Variants in SPATA16 observed in about 807,000 individuals in gnomAD.
SPATA16 encodes the protein spermatogenesis associated 16, also known as spermatogenesis-associated protein 16.
Under a neutral mutation model 63.3 loss-of-function variants are expected in SPATA16, and 36 were observed. The ratio of observed to expected loss-of-function variants is 0.57; its 90% CI spans 0.44 to 0.75. SPATA16 has a LOEUF of 0.75. SPATA16 is among the 30% of genes least tolerant of loss of function. The pLI, the probability that SPATA16 is intolerant of heterozygous loss-of-function variation, is 0.00. For missense variants in SPATA16, 646 were observed against 679.3 expected, an observed-to-expected ratio of 0.95 and a Z score of 0.54; for synonymous variants, 203 against 216.7, an observed-to-expected ratio of 0.94 and a Z score of 0.56.
At position 173,072,585 on chromosome 3, in the gene SPATA16, C is replaced by T. The variant is rs573383938; in HGVS notation, c.613-23491G>A. 2.0e-5 allele frequency among the ~76,000 whole-genome samples: 3 copies of T among 152,338 alleles called. No individual in the cohort carries two copies. The South Asian group carries it at 6.2e-4, about 32-fold the overall frequency. On this transcript the variant is annotated intron_variant, in intron 2 of 10. Transcript: ENST00000351008. ...GGGAATGCCTTTCACTTGGTTCTCT[C>T]ATTCTCTCTTGTCTGCCACCATATA... is the stretch of plus-strand genomic sequence containing the variant.
At chr3:173,027,992 TC>T in intron 3 of SPATA16, among the ~76,000 whole-genome samples, 1 of 16,922 alleles carries the variant, frequency 5.9e-5, no homozygotes, top group African/African-American at 2.4e-4. Context: ...CCTCCCTCCC[TC>T]CCTCCCTCCC....
intron 4 of SPATA16, among the ~76,000 whole-genome samples, chr3:173,018,338 G>A (rs1473217515): frequency 1.3e-5 from 2 of 150,062 alleles, no homozygotes; most frequent in East Asian, 2.0e-4. Flanking sequence ...GCAATGGCGC[G>A]ATCTCGGCTC....
rs532253002 is a variant in SPATA16 at position 172,956,544 on chromosome 3, CCGTTT to C, written c.1081+128_1081+132del. ...TATTTAAAACCTTAAAAATTTCTTT[CCGTTT>C]CAAGTCATCAGATGAAAACAGTGTA... is the stretch of plus-strand genomic sequence containing the variant. On this transcript the variant is annotated intron_variant, in intron 6 of 10. Transcript: ENST00000351008. 3.0e-4 allele frequency: 275 copies of C among 927,558 alleles called. 1 individual carries two copies. The African/African-American group carries it at 4.3e-3, about 14-fold the overall frequency. 57.5% of individuals were successfully genotyped at this position (927,558 alleles called of 1,614,324 possible). A position where few individuals can be genotyped will look rare whatever the true frequency, so the allele number is the denominator to read the frequency against.
chr3:173,127,621 G>A (rs116757476), intron 1 of SPATA16, among the ~76,000 whole-genome samples: 1 of 152,200 alleles, frequency 6.6e-6, no homozygotes, highest in Non-Finnish European at 1.5e-5. Context: ...ACTTCTTCAT[G>A]ATTAGATTCA....
At chr3:172,918,566 A>G (rs537695981) in intron 8 of SPATA16, among the ~76,000 whole-genome samples, 79 of 152,266 alleles carry the variant, frequency 5.2e-4, no homozygotes, top group African/African-American at 1.6e-3. Flanking sequence ...TTTTTGAAAG[A>G]CAAAGTGAAA....
intron 5 of SPATA16, among the ~76,000 whole-genome samples, chr3:172,960,536 A>T (rs369552566): frequency 1.9e-4 from 29 of 152,286 alleles, no homozygotes; most frequent in African/African-American, 6.0e-4. Flanking sequence ...TTTCTCTACA[A>T]ACAGTAACTT....
At chr3:172,908,979 T>C (rs1732301682) in intron 10 of SPATA16, among the ~76,000 whole-genome samples, 1 of 152,188 alleles carries the variant, frequency 6.6e-6, no homozygotes, top group Admixed American at 6.5e-5. Flanking sequence ...TTAAAAGCCC[T>C]TGGGAAAAAT....
At chr3:173,029,406 G>GTTTTTTTTTTTTTTTTTT (rs57233262) in intron 3 of SPATA16, among the ~76,000 whole-genome samples, 4 of 139,846 alleles carry the variant, frequency 2.9e-5, no homozygotes, top group African/African-American at 8.3e-5. Flanking sequence ...AGTAATCAGA[G>GTTTTTTTTTTTTTTTTTT]TTTTTTTTTT....
At chr3:173,132,615 A>C (rs1244095586) in intron 1 of SPATA16, among the ~76,000 whole-genome samples, 1 of 152,184 alleles carries the variant, frequency 6.6e-6, no homozygotes, top group Non-Finnish European at 1.5e-5. Flanking sequence ...TAATGTTACA[A>C]AATTATTAGG....
chr3:172,977,429 G>A (rs961033013), intron 4 of SPATA16, among the ~76,000 whole-genome samples: 3 of 152,080 alleles, frequency 2.0e-5, no homozygotes, highest in South Asian at 2.1e-4. Flanking sequence ...ACCTAGCATA[G>A]CGTATATAGC....
chr3:173,130,993 T>C (rs1259548520), intron 1 of SPATA16, among the ~76,000 whole-genome samples: 1 of 152,218 alleles, frequency 6.6e-6, no homozygotes, highest in African/African-American at 2.4e-5. Flanking sequence ...TTTAGAAATA[T>C]AATTTTTTAC....
intron 3 of SPATA16, among the ~76,000 whole-genome samples, chr3:173,020,825 G>A (rs1198632698): frequency 4.6e-5 from 7 of 152,186 alleles, no homozygotes; most frequent in Admixed American, 1.3e-4. Context: ...CAGAACCAAC[G>A]CATGATTATT....
chr3:173,017,521 A>T (rs1735220992), intron 4 of SPATA16, among the ~76,000 whole-genome samples: 1 of 152,192 alleles, frequency 6.6e-6, no homozygotes, highest in Non-Finnish European at 1.5e-5. Flanking sequence ...TATGCTGGTA[A>T]CCTGGCTCTC....
chr3:173,037,799 G>C (rs928700217), intron 3 of SPATA16, among the ~76,000 whole-genome samples: 7 of 152,026 alleles, frequency 4.6e-5, no homozygotes, highest in African/African-American at 1.7e-4. Flanking sequence ...CCCAAGAGAG[G>C]ATGAATATGA....
At chr3:173,001,428 A>C (rs1225832123) in intron 4 of SPATA16, among the ~76,000 whole-genome samples, 2 of 152,136 alleles carry the variant, frequency 1.3e-5, no homozygotes, top group East Asian at 1.9e-4. Context: ...AAAGAACAGA[A>C]TGCTGTGGTG....
intron 3 of SPATA16, among the ~76,000 whole-genome samples, chr3:173,048,040 A>G (rs1159920407): frequency 6.6e-6 from 1 of 152,142 alleles, no homozygotes; most frequent in Non-Finnish European, 1.5e-5. Context: ...TCTCCCATTT[A>G]CAAATGAGTC....
chr3:173,110,753 A>T (rs746729746), intron 2 of SPATA16, among the ~76,000 whole-genome samples: 3 of 152,216 alleles, frequency 2.0e-5, no homozygotes, highest in Non-Finnish European at 2.9e-5. Flanking sequence ...CTCCAAATTC[A>T]GTGCCCTGTC....
chr3:172,934,077 A>G (rs1007923158), intron 6 of SPATA16, among the ~76,000 whole-genome samples: 1 of 152,154 alleles, frequency 6.6e-6, no homozygotes, highest in Non-Finnish European at 1.5e-5. Context: ...TATAAGTATA[A>G]TAAAAATAAT....
chr3:172,940,386 T>C (rs1027096129), intron 6 of SPATA16, among the ~76,000 whole-genome samples: 1 of 152,232 alleles, frequency 6.6e-6, no homozygotes, highest in African/African-American at 2.4e-5. Context: ...GACATCCAGT[T>C]GGTTTTGGAG....
Sources: gnomAD v4.1 joint callset for allele counts (sites outside exome capture counted in the v4.1 genomes callset) on GRCh38, gnomAD v4.1.1 for gene constraint, MANE v1.5 for transcripts, NCBI Gene and HGNC (gene_info 2026-07-23, HGNC 2026-07-21) for gene names.